The following CSMD1 variants were observed in gnomAD, a reference collection of about 807,000 sequenced individuals.
CSMD1 encodes CUB and Sushi multiple domains 1, also known as CUB and sushi domain-containing protein 1.
CSMD1 carries 213 observed loss-of-function variants against 417.5 expected under a neutral mutation model. The observed-to-expected ratio is 0.51, with a 90% CI of 0.46 to 0.57. The LOEUF (loss-of-function observed/expected upper bound fraction) is 0.57. CSMD1 is among the 20% of genes least tolerant of loss of function. CSMD1 has a pLI of 0.00. For missense variants in CSMD1, 6,923 were observed against 4,529.7 expected (o/e 1.53, Z -15.17); for synonymous variants, 2,862 against 1,736.8 (o/e 1.65, Z -16.11).
intron 1 of CSMD1, among the ~76,000 whole-genome samples, chr8:4,902,937 T>A (rs1159694906): frequency 1.3e-5 from 2 of 150,470 alleles, no homozygotes; most frequent in Non-Finnish European, 3.0e-5. Flanking sequence ...TTTAGCACAT[T>A]TCATTTTATA....
In CSMD1 at chr8:3,595,171, G is replaced by T. The variant is rs149348546; in HGVS notation, c.1098-8911C>A. Among the ~76,000 whole-genome samples the T allele has an allele frequency of 5.8e-4, 89 of 152,282 alleles. 1 individual carries two copies. The East Asian group carries it at 0.017, about 28-fold the overall frequency. ...ATTCACCGGATGGCCTCTGCTGAGGGATGCCCCTTAGGGACACGATCCTAA... is the reference window on the plus strand; with the variant it reads ...ATTCACCGGATGGCCTCTGCTGAGGTATGCCCCTTAGGGACACGATCCTAA... On this transcript the variant is annotated intron_variant, in intron 8 of 69. Transcript: ENST00000635120.
chr8:4,276,747 T>C (rs1563375512), intron 3 of CSMD1, among the ~76,000 whole-genome samples: 1 of 152,234 alleles, frequency 6.6e-6, no homozygotes, highest in Non-Finnish European at 1.5e-5. Context: ...ATATGTGTTT[T>C]GATGTTTCTG....
chr8:4,743,260 T>G (rs896591959), intron 1 of CSMD1, among the ~76,000 whole-genome samples: 2 of 152,280 alleles, frequency 1.3e-5, no homozygotes, highest in Non-Finnish European at 2.9e-5. Flanking sequence ...TGTGAAAAAT[T>G]TGATGAAGGA....
chr8:4,622,377 G>C (rs540287837), intron 2 of CSMD1, among the ~76,000 whole-genome samples: 5 of 152,098 alleles, frequency 3.3e-5, no homozygotes, highest in South Asian at 2.1e-4. Context: ...ACGAGTGCCA[G>C]CTAATGTCTG....
chr8:3,335,570 G>A (rs1293577395), intron 23 of CSMD1, among the ~76,000 whole-genome samples: 4 of 152,148 alleles, frequency 2.6e-5, no homozygotes, highest in African/African-American at 4.8e-5. Context: ...CCAGCTACTA[G>A]GGAGGCTGAG....
chr8:4,884,194 G>A (rs1481511186), intron 1 of CSMD1, among the ~76,000 whole-genome samples: 2 of 151,744 alleles, frequency 1.3e-5, no homozygotes, highest in African/African-American at 2.4e-5. Flanking sequence ...TTATTGAGCT[G>A]TAAGAACTTC....
At chr8:3,674,104 T>C (rs895636149) in intron 7 of CSMD1, among the ~76,000 whole-genome samples, 1 of 149,306 alleles carries the variant, frequency 6.7e-6, no homozygotes, top group South Asian at 2.2e-4. Context: ...AGACTCCCTC[T>C]CAAAAGACAA....
intron 2 of CSMD1, among the ~76,000 whole-genome samples, chr8:4,453,379 A>G (rs1403056839): frequency 1.3e-5 from 2 of 152,182 alleles, no homozygotes; most frequent in African/African-American, 2.4e-5. Flanking sequence ...TCTCCTGGGC[A>G]CAGAACTTGG....
chr8:3,964,741 A>T (rs1203410706), intron 5 of CSMD1, among the ~76,000 whole-genome samples: 2 of 152,234 alleles, frequency 1.3e-5, no homozygotes, highest in Non-Finnish European at 2.9e-5. Flanking sequence ...TGCGTGACAC[A>T]TACATTGTCC....
At chr8:3,150,721 T>C (rs905611334) in intron 40 of CSMD1, among the ~76,000 whole-genome samples, 5 of 152,038 alleles carry the variant, frequency 3.3e-5, no homozygotes, top group African/African-American at 1.2e-4. Flanking sequence ...GTAGGGAGAC[T>C]CAAATAAATG....
intron 1 of CSMD1, among the ~76,000 whole-genome samples, chr8:4,817,402 A>G (rs1266904540): frequency 6.6e-6 from 1 of 152,226 alleles, no homozygotes; most frequent in African/African-American, 2.4e-5. Context: ...AACCTACGTC[A>G]AGTCTCTGGC....
chr8:3,569,077 C>A (rs1799837862), intron 10 of CSMD1, among the ~76,000 whole-genome samples: 2 of 152,120 alleles, frequency 1.3e-5, no homozygotes, highest in African/African-American at 4.8e-5. Context: ...TATAATATTA[C>A]TTTGCATTGA....
intron 1 of CSMD1, among the ~76,000 whole-genome samples, chr8:4,842,608 G>A (rs918480324): frequency 1.3e-5 from 2 of 152,178 alleles, no homozygotes; most frequent in Non-Finnish European, 2.9e-5. Context: ...CAGGGAACCC[G>A]GGTGCCTATG....
At chr8:3,627,451 G>C (rs1423726514) in intron 7 of CSMD1, among the ~76,000 whole-genome samples, 1 of 152,116 alleles carries the variant, frequency 6.6e-6, no homozygotes, top group South Asian at 2.1e-4. Context: ...GCACTGAGAA[G>C]ACTATGTAGG....
chr8:3,206,593 C>T lies in CSMD1; in HGVS notation c.4868-973G>A, dbSNP rs139197924. Among the ~76,000 whole-genome samples, 334 of 72,464 alleles carry T rather than the reference C, an allele frequency of 4.6e-3. 5 individuals carry two copies. Among genetic ancestry groups the T allele is most frequent in the African/African-American group, 0.017 (311 of 17,974 alleles). The allele number at this position is 72,464 out of a possible 152,430, so 47.5% of individuals were successfully genotyped here. On this transcript the variant is annotated intron_variant, in intron 30 of 69. Coordinates refer to ENST00000635120, the MANE Select transcript of CSMD1 (RefSeq NM_033225.6). ...TGTGTGTGTGTGTATGTGTGGGGGGCGTATGTCTGTATGTGTGTGTATGTG... is the reference window on the plus strand; with the variant it reads ...TGTGTGTGTGTGTATGTGTGGGGGGTGTATGTCTGTATGTGTGTGTATGTG...
At chr8:3,067,206 T>G (rs535551068) in intron 49 of CSMD1, among the ~76,000 whole-genome samples, 90 of 152,244 alleles carry the variant, frequency 5.9e-4, no homozygotes, top group African/African-American at 1.6e-3. Context: ...CCAGGCCCCA[T>G]GCGTGAGACA....
At chr8:4,731,019 C>T (rs1318580747) in intron 1 of CSMD1, among the ~76,000 whole-genome samples, 1 of 152,092 alleles carries the variant, frequency 6.6e-6, no homozygotes, top group Non-Finnish European at 1.5e-5. Flanking sequence ...AAGTTCTAGG[C>T]CCAAGACGCT....
Position 4,970,737 on chromosome 8 carries a change from C to G in CSMD1, c.85+23595G>C, listed in dbSNP as rs2117380074. On this transcript the variant is annotated intron_variant, in intron 1 of 69. Coordinates refer to ENST00000635120, the MANE Select transcript of CSMD1 (RefSeq NM_033225.6). Reference sequence around the variant, plus strand: ...GTGGATTCTGAAAGAGCAAGTGTGCCTGCCGTGGTTCTTTTTTTGACAAAA... The same window carrying G: ...GTGGATTCTGAAAGAGCAAGTGTGCGTGCCGTGGTTCTTTTTTTGACAAAA... 1.3e-5 allele frequency among the ~76,000 whole-genome samples: 2 copies of G among 152,206 alleles called. 1 individual carries two copies. Among genetic ancestry groups the G allele is most frequent in the South Asian group, 4.1e-4 (2 of 4,822 alleles).
intron 12 of CSMD1, among the ~76,000 whole-genome samples, chr8:3,439,507 C>CTG (rs61063749): frequency 0.014 from 2,000 of 147,266 alleles, 53 homozygotes; most frequent in East Asian, 0.11. Flanking sequence ...GTGTGTGTGT[C>CTG]TGTGTGTGTG....
Sources: allele counts gnomAD v4.1 joint callset (sites outside exome capture counted in the v4.1 genomes callset), GRCh38; gene constraint gnomAD v4.1.1; transcripts MANE v1.5; gene names NCBI Gene and HGNC (gene_info 2026-07-23, HGNC 2026-07-21).